KCTD8: variants seen among roughly 807,000 people sequenced by gnomAD.
The protein encoded by KCTD8 is BTB/POZ domain-containing protein KCTD8.
A neutral mutation model predicts 31.5 loss-of-function variants in KCTD8; 27 were observed. That is an observed-to-expected ratio of 0.86 (90% CI 0.63 to 1.18). The LOEUF (loss-of-function observed/expected upper bound fraction) is 1.18, where lower values mean the gene tolerates loss of function less well. KCTD8 is among the 50% of genes most tolerant of loss of function. The pLI is 0.00. For synonymous variants in KCTD8, 290 were observed against 280.0 expected, an observed-to-expected ratio of 1.04 and a Z score of -0.36; for missense variants, 658 against 647.7, an observed-to-expected ratio of 1.02 and a Z score of -0.17.
chr4:44,400,658 G>A (rs1055728921), intron 1 of KCTD8, among the ~76,000 whole-genome samples: 1 of 151,072 alleles, frequency 6.6e-6, no homozygotes, highest in Admixed American at 6.6e-5. Flanking sequence ...GAACCTGGAA[G>A]GTGGAGGTTG....
chr4:44,205,708 C>A (rs1176713568), intron 1 of KCTD8, among the ~76,000 whole-genome samples: 1 of 152,094 alleles, frequency 6.6e-6, no homozygotes, highest in African/African-American at 2.4e-5. Flanking sequence ...TGTATTCTAA[C>A]CCAACTGAGA....
intron 1 of KCTD8, among the ~76,000 whole-genome samples, chr4:44,280,300 C>A (rs560235005): frequency 1.3e-5 from 2 of 152,078 alleles, no homozygotes; most frequent in South Asian, 2.1e-4. Context: ...CAGGTAGGAG[C>A]CACTGGACAA....
At chr4:44,317,169 C>G (rs1229532938) in intron 1 of KCTD8, among the ~76,000 whole-genome samples, 4 of 146,536 alleles carry the variant, frequency 2.7e-5, no homozygotes, top group Non-Finnish European at 6.0e-5. Context: ...ATATATCTAA[C>G]AAAGTTTTAA....
chr4:44,293,785 C>A, intron 1 of KCTD8: 1 of 449,066 alleles, frequency 2.2e-6, no homozygotes, highest in Non-Finnish European at 4.5e-6. Context: ...ATTATTTTAG[C>A]ATTTTGAACT....
intron 1 of KCTD8, among the ~76,000 whole-genome samples, chr4:44,303,543 T>C (rs1717700085): frequency 6.6e-6 from 1 of 152,110 alleles, no homozygotes; most frequent in Non-Finnish European, 1.5e-5. Context: ...AGGCCAGGCA[T>C]GGTGGCTCAT....
At chr4:44,296,546 TTC>T (rs1210539479) in intron 1 of KCTD8, among the ~76,000 whole-genome samples, 4 of 152,080 alleles carry the variant, frequency 2.6e-5, no homozygotes, top group East Asian at 1.9e-4. Context: ...TACATATCTG[TTC>T]TGTTATTTTT....
rs1176880260 is a variant in KCTD8, at chr4:44,298,413, C to CT, written c.962-123164_962-123163insA. 2.0e-5 allele frequency among the ~76,000 whole-genome samples: 3 copies of CT among 149,282 alleles called. No homozygotes were observed. The East Asian group carries it at 6.0e-4, about 30-fold the overall frequency. On this transcript the variant is annotated intron_variant, in intron 1 of 1. Coordinates refer to ENST00000360029, the MANE Select transcript of KCTD8 (RefSeq NM_198353.3). ...CCTTCACACTAATGATCTGCCCCCC[C>CT]CACCTCTTTATTTTTCTGTATAATA...
intron 1 of KCTD8, among the ~76,000 whole-genome samples, chr4:44,266,620 C>T (rs1219795934): frequency 6.6e-6 from 1 of 150,742 alleles, no homozygotes; most frequent in African/African-American, 2.4e-5. Flanking sequence ...AGAGTCAAGA[C>T]CCATCAGTGT....
intron 1 of KCTD8, among the ~76,000 whole-genome samples, chr4:44,215,577 C>T (rs1307770438): frequency 6.6e-6 from 1 of 152,082 alleles, no homozygotes; most frequent in African/African-American, 2.4e-5. Flanking sequence ...ATTAGGAGGT[C>T]AATAAGTCAA....
chr4:44,444,997 T>C (rs1337475726), intron 1 of KCTD8, among the ~76,000 whole-genome samples: 2 of 152,222 alleles, frequency 1.3e-5, no homozygotes, highest in African/African-American at 4.8e-5. Flanking sequence ...GGTTATTTTC[T>C]GCATCTAAAA....
At chr4:44,401,947 A>G (rs1198365099) in intron 1 of KCTD8, among the ~76,000 whole-genome samples, 3 of 152,230 alleles carry the variant, frequency 2.0e-5, no homozygotes, top group African/African-American at 7.2e-5. Context: ...AAAGAGCCAC[A>G]AAGTTTGACC....
chr4:44,272,867 G>A (rs1315659100), intron 1 of KCTD8, among the ~76,000 whole-genome samples: 2 of 151,958 alleles, frequency 1.3e-5, no homozygotes, highest in Admixed American at 6.6e-5. Flanking sequence ...CCTCAAATAC[G>A]AAAACATAAA....
intron 1 of KCTD8, among the ~76,000 whole-genome samples, chr4:44,275,012 T>C (rs1251101801): frequency 1.3e-5 from 2 of 151,966 alleles, no homozygotes; most frequent in African/African-American, 2.4e-5. Flanking sequence ...GAAAGTGAAG[T>C]GACTTTCTAA....
chr4:44,181,540 A>C, intron 1 of KCTD8, among the ~76,000 whole-genome samples: 1 of 151,920 alleles, frequency 6.6e-6, no homozygotes, highest in South Asian at 2.1e-4. Context: ...AGTCTCCTTC[A>C]CTCAGTGCTC....
At chr4:44,255,670 A>C (rs2109363351) in intron 1 of KCTD8, among the ~76,000 whole-genome samples, 1 of 151,990 alleles carries the variant, frequency 6.6e-6, no homozygotes, top group South Asian at 2.1e-4. Flanking sequence ...CATTTAAAAA[A>C]ATTGTTTCAA....
At chr4:44,428,316 G>T (rs1300169828) in intron 1 of KCTD8, among the ~76,000 whole-genome samples, 1 of 151,658 alleles carries the variant, frequency 6.6e-6, no homozygotes, top group Non-Finnish European at 1.5e-5. Context: ...CTTCATTTAT[G>T]ATAAGAAGTG....
intron 1 of KCTD8, among the ~76,000 whole-genome samples, chr4:44,356,027 C>G (rs1719332932): frequency 6.6e-6 from 1 of 152,142 alleles, no homozygotes; most frequent in Non-Finnish European, 1.5e-5. Context: ...CAAGTGCACA[C>G]ACATATTCAA....
At chr4:44,415,028 T>C (rs1377076226) in intron 1 of KCTD8, among the ~76,000 whole-genome samples, 1 of 152,166 alleles carries the variant, frequency 6.6e-6, no homozygotes, top group Non-Finnish European at 1.5e-5. Flanking sequence ...GATGGAAATA[T>C]GGACAAAGGA....
intron 1 of KCTD8, among the ~76,000 whole-genome samples, chr4:44,362,060 A>T (rs545798883): frequency 2.6e-5 from 4 of 152,252 alleles, no homozygotes; most frequent in Admixed American, 2.6e-4. Flanking sequence ...CATTTCAACA[A>T]ATGATGAAGG....
Sources: allele counts gnomAD v4.1 joint callset (sites outside exome capture counted in the v4.1 genomes callset), GRCh38; gene constraint gnomAD v4.1.1; transcripts MANE v1.5; gene names NCBI Gene and HGNC (gene_info 2026-07-23, HGNC 2026-07-21).